SZT2: variants seen among roughly 807,000 people sequenced by gnomAD.
SZT2 encodes SZT2 subunit of KICSTOR complex, also known as KICSTOR complex protein SZT2.
In SZT2, 216 loss-of-function variants were observed where a neutral mutation model predicts 404.2. That is an observed-to-expected ratio of 0.53 (90% confidence interval 0.48 to 0.60). SZT2 has a LOEUF of 0.60. Ranked by LOEUF, SZT2 falls within the 20% of genes least tolerant of loss-of-function variation. SZT2 has a pLI of 0.00. For missense variants in SZT2, 3,857 were observed against 4,459.2 expected (o/e 0.86, Z 3.85); for synonymous variants, 1,693 against 1,749.9 (o/e 0.97, Z 0.81).
Position 43,422,611 on chromosome 1 carries a change from CTTATG to C in SZT2, c.1905_1909del (p.Tyr635Ter). On this transcript the variant is annotated frameshift_variant, in exon 13 of 72. Coordinates refer to ENST00000634258, the MANE Select transcript of SZT2 (RefSeq NM_001365999.1). LOFTEE classifies it high-confidence loss of function. The stretch of plus-strand genomic sequence containing the variant: ...AGCTTCGTACTAGTCGAGGGCTATT[CTTATG>C]TTAAGCTGCTCTCCAGGTGGGCAAA... The C allele has an allele frequency of 6.3e-7, 1 of 1,596,476 alleles. No homozygotes were observed. Among genetic ancestry groups the C allele is most frequent in the Non-Finnish European group, 8.5e-7 (1 of 1,178,858 alleles).
chr1:43,438,068 C>T lies in SZT2; in HGVS notation c.6508+166C>T. ...TAAATACTAGCTGGAGGCTCCAGAC[C>T]CTCTGGGACTTCTCTTAGAACCTCC... On this transcript the variant is annotated intron_variant, in intron 46 of 71. Coordinates refer to ENST00000634258, the MANE Select transcript of SZT2 (RefSeq NM_001365999.1). 1.2e-5 allele frequency: 8 copies of T among 663,998 alleles called. No homozygotes were observed. The South Asian group carries it at 1.5e-4, about 12-fold the overall frequency. 41.1% of individuals were successfully genotyped at this position (663,998 alleles called of 1,614,324 possible).
intron 65 of SZT2, 129 bp from the exon 66 acceptor site, chr1:43,446,826 C>T: frequency 4.2e-6 from 4 of 949,372 alleles, no homozygotes; most frequent in Non-Finnish European, 6.3e-6. Flanking sequence ...ACCATTCTGG[C>T]AGAGGGCGTT....
At chr1:43,427,222 C>A in intron 24 of SZT2, 43 bp downstream of exon 24, 1 of 1,607,146 alleles carries the variant, frequency 6.2e-7, no homozygotes, top group Non-Finnish European at 8.5e-7. Flanking sequence ...CAGATACAAA[C>A]CCCTGAGCTC....
rs769777334 is a variant in SZT2 at position 43,403,639 on chromosome 1, G to A, written c.192G>A (p.Leu64=). 1 of 1,614,064 alleles carries A rather than the reference G, an allele frequency of 6.2e-7. No homozygotes were observed. The highest frequency in any genetic ancestry group is 1.1e-5 in the South Asian group (1 of 91,064). The change falls in exon 3 of 72, where the codon CTG becomes CTA. Residue 64 remains leucine, a synonymous_variant. Coordinates refer to ENST00000634258, the MANE Select transcript of SZT2 (RefSeq NM_001365999.1). ...SEQELEVLSV[L]PPGWQPDEPV... ...AGGAATTGGAAGTCCTCAGTGTCCT[G>A]CCCCCTGGGTGGCAGCCAGATGAAC... is the stretch of plus-strand genomic sequence containing the variant.
rs1653813198 is a variant in SZT2 at position 43,431,098 on chromosome 1, A to C, written c.4916+8A>C. The C allele has an allele frequency of 6.2e-7, 1 of 1,611,496 alleles. No individual in the cohort carries two copies. The highest frequency in any genetic ancestry group is 8.5e-7 in the Non-Finnish European group (1 of 1,179,108). On this transcript the variant is annotated splice_region_variant and intron_variant, in intron 33 of 71. Transcript: ENST00000634258. The stretch of plus-strand genomic sequence containing the variant: ...GGACCCTCAGCACCACCGGTGTGGC[A>C]GCAAGTTTGGTGGGGGGTTTGGGAC...
At position 43,437,982 on chromosome 1, in the gene SZT2, C is replaced by G. The variant is rs1444981840; in HGVS notation, c.6508+80C>G. 4.3e-6 allele frequency: 6 copies of G among 1,383,812 alleles called. No homozygotes were observed. The highest frequency in any genetic ancestry group is 6.1e-6 in the Non-Finnish European group (6 of 977,248). 85.7% of individuals were successfully genotyped at this position (1,383,812 alleles called of 1,614,324 possible). ...GGGACTTCTCTTAGAACCTTGCAAG[C>G]ATTACACTAGAAGTTATGTAACAGT... On this transcript the variant is annotated intron_variant, in intron 46 of 71. Transcript: ENST00000634258. The surrounding 1 kb of genome is among the most constrained non-coding windows in gnomAD (Gnocchi z 5.3).
rs1269906192 is a variant in SZT2, at chr1:43,451,529, GC to G, written c.*1051del. 4 of 1,613,962 alleles carry G rather than the reference GC, an allele frequency of 2.5e-6. No homozygotes were observed. The highest frequency in any genetic ancestry group is 3.4e-6 in the Non-Finnish European group (4 of 1,180,010). On this transcript the variant is annotated 3_prime_UTR_variant, in exon 72 of 72. Transcript: ENST00000634258. The stretch of plus-strand genomic sequence containing the variant: ...GGGCTCCCCTCGGCCTGGGACCTGT[GC>G]CACCTGCACATGCCCTGGGGACAGA...
Position 43,389,944 on chromosome 1 carries a change from C to T in SZT2, c.-25C>T, listed in dbSNP as rs1570513547. 8 of 1,462,864 alleles carry T rather than the reference C, an allele frequency of 5.5e-6. No individual in the cohort carries two copies. The highest frequency in any genetic ancestry group is 6.3e-6 in the Non-Finnish European group (7 of 1,107,548). The allele number at this position is 1,462,864 out of a possible 1,614,324, so 90.6% of individuals were successfully genotyped here. A position where few individuals can be genotyped will look rare whatever the true frequency, so the allele number is the denominator to read the frequency against. On this transcript the variant is annotated 5_prime_UTR_variant, in exon 1 of 72. Transcript: ENST00000634258. ...CAAGAGTGGAACACCCTCACTGGCCCGGGCCGGCGCGGGAGGGCTGTGTGA... is the reference window on the plus strand; with the variant it reads ...CAAGAGTGGAACACCCTCACTGGCCTGGGCCGGCGCGGGAGGGCTGTGTGA...
intron 42 of SZT2, chr1:43,436,171 C>A (rs1198613586): frequency 2.0e-5 from 3 of 152,208 alleles, no homozygotes; most frequent in African/African-American, 7.2e-5. Flanking sequence ...CATTCCTTTG[C>A]AGTTCTCCTC....
In SZT2 at chr1:43,415,074, C is replaced by T. The variant is rs752220031; in HGVS notation, c.499-8C>T. On this transcript the variant is annotated splice_region_variant and splice_polypyrimidine_tract_variant and intron_variant, in intron 4 of 71. Coordinates refer to ENST00000634258, the MANE Select transcript of SZT2 (RefSeq NM_001365999.1). ...GTCCTGTCTCAGTCTTTCCCATGTG[C>T]TTCTTAGGTGCTGGTACAGGGCTGC... 1.2e-5 allele frequency: 19 copies of T among 1,597,138 alleles called. No individual in the cohort carries two copies. The highest frequency in any genetic ancestry group is 1.5e-5 in the Non-Finnish European group (18 of 1,179,062).
Position 43,451,933 on chromosome 1 carries a change from A to T in SZT2, c.*1453A>T. On this transcript the variant is annotated 3_prime_UTR_variant, in exon 72 of 72. Transcript: ENST00000634258. ...GAAGGAGAGACAGGGCTGGGGTCGT[A>T]CCCTGCTGGGGCGTGTCCAGGAAGT... 6.2e-7 allele frequency: 1 copy of T among 1,612,448 alleles called. No individual in the cohort carries two copies. Among genetic ancestry groups the T allele is most frequent in the Non-Finnish European group, 8.5e-7 (1 of 1,178,852 alleles).
At chr1:43,432,897 A>G in intron 39 of SZT2, 92 bp from the exon 40 acceptor site, 2 of 1,581,770 alleles carry the variant, frequency 1.3e-6, no homozygotes, top group South Asian at 2.2e-5. Flanking sequence ...AGAAGGGACT[A>G]ATCTGAAGTG....
Position 43,430,011 on chromosome 1 carries a change from G to T in SZT2, c.4309G>T (p.Glu1437Ter). ...AHGALHSVIQ[E>*]KFLEISRLHF... is the part of the protein sequence containing the mutation. ...AACCTCCTTCTAAACCCCACAACAG[G>T]AGAAGTTCCTAGAGATCAGTCGTCT... Residue 1437 changes from glutamate to a stop codon, truncating the protein, a stop_gained and splice_region_variant, in exon 30 of 72, where the codon GAG (glutamate) becomes TAG (stop). Transcript: ENST00000634258. LOFTEE classifies it high-confidence loss of function. 1 of 1,614,112 alleles carries T rather than the reference G, an allele frequency of 6.2e-7. No individual in the cohort carries two copies.
At chr1:43,392,496 C>G (rs1260087080) in intron 1 of SZT2, among the ~76,000 whole-genome samples, 2 of 150,826 alleles carry the variant, frequency 1.3e-5, no homozygotes, top group Non-Finnish European at 2.9e-5. Context: ...CTCACTGCAA[C>G]CTCCGCCTCC....
At chr1:43,403,057 C>G in intron 1 of SZT2, 120 bp from the exon 2 acceptor site, 1 of 1,080,014 alleles carries the variant, frequency 9.3e-7, no homozygotes, top group Non-Finnish European at 1.4e-6. Flanking sequence ...CTTTTCACTT[C>G]TGCTGTTTTC....
chr1:43,418,323 AGGAAAAAG>A (rs1651937354), intron 7 of SZT2, among the ~76,000 whole-genome samples: 1 of 152,224 alleles, frequency 6.6e-6, no homozygotes, highest in East Asian at 1.9e-4. Flanking sequence ...AAATAAAGGA[AGGAAAAAG>A]GAGGCTGGTG....
chr1:43,404,037 C>T (rs971587235), intron 3 of SZT2: 1 of 529,718 alleles, frequency 1.9e-6, no homozygotes, highest in African/African-American at 1.9e-5. Context: ...TGGCAAAACT[C>T]CCTCTCTATA....
rs558686378 is a variant in SZT2, at chr1:43,439,782, G to T, written c.7042+13G>T. The T allele has an allele frequency of 1.2e-5, 19 of 1,575,932 alleles. No homozygotes were observed. The highest frequency in any genetic ancestry group is 1.6e-5 in the Non-Finnish European group (18 of 1,159,248). On this transcript the variant is annotated intron_variant, in intron 50 of 71. Coordinates refer to ENST00000634258, the MANE Select transcript of SZT2 (RefSeq NM_001365999.1). The surrounding 1 kb of genome is among the most constrained non-coding windows in gnomAD (Gnocchi z 4.2). Reference sequence around the variant, plus strand: ...GACAGTTCTTCAGGTGGGACAGCTTGGTCAGAGGATGAGGTGTTCAGTTAT... The same window carrying T: ...GACAGTTCTTCAGGTGGGACAGCTTTGTCAGAGGATGAGGTGTTCAGTTAT...
chr1:43,424,315 G>A lies in SZT2; in HGVS notation c.2354G>A (p.Ser785Asn), dbSNP rs780936134. Residue 785 changes from serine (S) to asparagine (N), a missense_variant, in exon 16 of 72, where the codon AGC (serine) becomes AAC (asparagine). By Grantham distance (46) the Ser-to-Asn change is conservative. Coordinates refer to ENST00000634258, the MANE Select transcript of SZT2 (RefSeq NM_001365999.1). The surrounding 1 kb of genome is among the most constrained non-coding windows in gnomAD (Gnocchi z 4.1). ...GTGTCAGGCCGCTCAGCCTCTTCTA[G>A]CCTGGCGTCACTGTCCCGCTACCTC... ...PLVSGRSASS[S>N]LASLSRYLYH... is the part of the protein sequence containing the mutation. 5 of 1,598,054 alleles carry A rather than the reference G, an allele frequency of 3.1e-6. No individual in the cohort carries two copies. The East Asian group carries it at 1.1e-4, about 36-fold the overall frequency.
Sources: gnomAD v4.1 joint callset for allele counts (sites outside exome capture counted in the v4.1 genomes callset) on GRCh38, gnomAD v4.1.1 for gene constraint, Gnocchi (gnomAD v3.1) non-coding constraint, MANE v1.5 for transcripts, NCBI Gene and HGNC (gene_info 2026-07-23, HGNC 2026-07-21) for gene names.